RGMA: variants seen among roughly 807,000 people sequenced by gnomAD.
The protein encoded by RGMA is repulsive guidance molecule A.
A neutral mutation model predicts 23.2 loss-of-function variants in RGMA; 10 were observed. That is an observed-to-expected ratio of 0.43 (90% CI 0.27 to 0.73). The LOEUF (loss-of-function observed/expected upper bound fraction) is 0.73. Ranked by LOEUF, RGMA falls within the 30% of genes least tolerant of loss-of-function variation. The pLI is 0.20. For synonymous variants in RGMA, 308 were observed against 279.3 expected (o/e 1.10, Z -1.03); for missense variants, 547 against 630.5 (o/e 0.87, Z 1.42).
At chr15:93,054,405 C>A (rs1188316144) in intron 2 of RGMA, among the ~76,000 whole-genome samples, 1 of 152,102 alleles carries the variant, frequency 6.6e-6, no homozygotes, top group African/African-American at 2.4e-5. Flanking sequence ...CTGTAATAAT[C>A]TCCACGTGTC....
intron 3 of RGMA, among the ~76,000 whole-genome samples, chr15:93,049,404 G>A (rs959083857): frequency 1.3e-5 from 2 of 152,212 alleles, no homozygotes; most frequent in African/African-American, 4.8e-5. Flanking sequence ...CAGGACTTGA[G>A]TTCCTGTCCT....
Position 93,052,083 on chromosome 15 carries a change from GC to G in RGMA, c.554del (p.Gly185AlafsTer11). ...AATTATTGTCGATGAGCGGCCAGGC[GC>G]CCTGCACCTTGCAGGTCTGGAAGCG... is the stretch of plus-strand genomic sequence containing the variant. ...TDRFQTCKVQ[G>X]AWPLIDNNYL... On this transcript the variant is annotated frameshift_variant, in exon 3 of 4. Coordinates refer to ENST00000329082, the MANE Select transcript of RGMA (RefSeq NM_020211.3). LOFTEE classifies it high-confidence loss of function. The G allele has an allele frequency of 1.2e-6, 2 of 1,613,372 alleles. No individual in the cohort carries two copies. Among genetic ancestry groups the G allele is most frequent in the East Asian group, 2.2e-5 (1 of 44,868 alleles).
At chr15:93,073,822 C>T in intron 1 of RGMA, 2 of 1,521,672 alleles carry the variant, frequency 1.3e-6, no homozygotes, top group Non-Finnish European at 1.8e-6. Context: ...GAAGACTTGC[C>T]CCGGCTGCGC....
At chr15:93,075,769 C>T (rs1895464118) in intron 1 of RGMA, among the ~76,000 whole-genome samples, 1 of 152,124 alleles carries the variant, frequency 6.6e-6, no homozygotes, top group Admixed American at 6.6e-5. Context: ...TAGGAGGAGA[C>T]CCCAGTCTTG....
chr15:93,087,185 C>T (rs1384990641), intron 1 of RGMA, among the ~76,000 whole-genome samples: 2 of 152,180 alleles, frequency 1.3e-5, no homozygotes, highest in African/African-American at 4.8e-5. Context: ...CTACAGTAGA[C>T]CACTACACTG....
intron 2 of RGMA, 118 bp from the exon 3 acceptor site, chr15:93,052,625 T>TGCC: frequency 5.3e-6 from 6 of 1,131,540 alleles, no homozygotes; most frequent in Non-Finnish European, 7.3e-6. Context: ...GAGCCACCCA[T>TGCC]GCCACACACA....
intron 2 of RGMA, among the ~76,000 whole-genome samples, chr15:93,070,647 G>A (rs1283841277): frequency 6.6e-6 from 1 of 152,188 alleles, no homozygotes; most frequent in South Asian, 2.1e-4. Context: ...GGAGCCCCCA[G>A]TATATTTAGT....
At position 93,039,474 on chromosome 15, in the gene RGMA, T is replaced by C. The variant is rs992158898; in HGVS notation, c.*5524A>G. On this transcript the variant is annotated 3_prime_UTR_variant, in exon 4 of 4. Transcript: ENST00000329082. Reference sequence around the variant, plus strand: ...TTGTTACATAGGTATACACGTGCCATGGTGGTTTGCTGCACCTATGAACCC... The same window carrying C: ...TTGTTACATAGGTATACACGTGCCACGGTGGTTTGCTGCACCTATGAACCC... The C allele has an allele frequency of 1.3e-5, 2 of 152,214 alleles. No individual in the cohort carries two copies. Among genetic ancestry groups the C allele is most frequent in the Non-Finnish European group, 2.9e-5 (2 of 68,044 alleles). The allele number at this position is 152,214 out of a possible 1,614,324, so 9.4% of individuals were successfully genotyped here. A position where few individuals can be genotyped will look rare whatever the true frequency, so the allele number is the denominator to read the frequency against.
In RGMA at chr15:93,036,346, A is replaced by G. The variant is rs944857074; in HGVS notation, c.*8652T>C. 7 of 152,264 alleles carry G rather than the reference A, an allele frequency of 4.6e-5. No individual in the cohort carries two copies. The South Asian group carries it at 1.0e-3, about 22-fold the overall frequency. The allele number at this position is 152,264 out of a possible 1,614,324, so 9.4% of individuals were successfully genotyped here. A position where few individuals can be genotyped will look rare whatever the true frequency, so the allele number is the denominator to read the frequency against. The stretch of plus-strand genomic sequence containing the variant: ...AGAAGGACTCCTCTTGTTTTATGCA[A>G]CCAACACCCACCCTGGGGCACTTGC... On this transcript the variant is annotated 3_prime_UTR_variant, in exon 4 of 4. Coordinates refer to ENST00000329082, the MANE Select transcript of RGMA (RefSeq NM_020211.3).
chr15:93,066,467 G>C (rs552051347), intron 2 of RGMA: 4 of 567,120 alleles, frequency 7.1e-6, no homozygotes, highest in South Asian at 3.2e-5. Context: ...CGGGTGCGGG[G>C]GCCAGGCACC....
chr15:93,045,650 G>A lies in RGMA; in HGVS notation c.701C>T (p.Ala234Val), dbSNP rs376196039. Reference protein sequence around the residue: ...QECVDQKVYQAEMDELPAAFV... With the variant: ...QECVDQKVYQVEMDELPAAFV... ...GGCGGCCGGGAGCTCGTCCATCTCA[G>A]CCTGGTACACCTTCTGGTCCACACA... Residue 234 changes from alanine to valine, a missense_variant, in exon 4 of 4, where the codon GCT becomes GTT. Coordinates refer to ENST00000329082, the MANE Select transcript of RGMA (RefSeq NM_020211.3). This position sits in a 1 kb window ranked among gnomAD's most constrained non-coding sequence, Gnocchi z 6.9. 4 of 1,610,174 alleles carry A rather than the reference G, an allele frequency of 2.5e-6. No individual in the cohort carries two copies. The African/African-American group carries it at 4.0e-5, about 16-fold the overall frequency.
chr15:93,075,781 G>A (rs180947266), intron 1 of RGMA, among the ~76,000 whole-genome samples: 17 of 152,282 alleles, frequency 1.1e-4, no homozygotes, highest in African/African-American at 4.1e-4. Flanking sequence ...CCAGTCTTGC[G>A]ACATGAGCAA....
At chr15:93,054,478 G>A (rs561896682) in intron 2 of RGMA, among the ~76,000 whole-genome samples, 52 of 139,136 alleles carry the variant, frequency 3.7e-4, no homozygotes, top group African/African-American at 1.1e-3. Context: ...TGTTCTGGTG[G>A]TAGTGAATAA....
chr15:93,065,806 G>A (rs1567189897), intron 2 of RGMA: 2 of 915,192 alleles, frequency 2.2e-6, no homozygotes, highest in Non-Finnish European at 3.5e-6. Context: ...GTCTGGGCCA[G>A]AATTGAGGTA....
chr15:93,049,869 G>A (rs932883256), intron 3 of RGMA, among the ~76,000 whole-genome samples: 2 of 152,190 alleles, frequency 1.3e-5, no homozygotes, highest in African/African-American at 4.8e-5. Context: ...GGTAGAGTCT[G>A]GCAGGCCCAG....
chr15:93,039,189 T>G lies in RGMA; in HGVS notation c.*5809A>C, dbSNP rs1018711938. 2.0e-5 allele frequency: 3 copies of G among 152,178 alleles called. No homozygotes were observed. Among genetic ancestry groups the G allele is most frequent in the Non-Finnish European group, 2.9e-5 (2 of 68,030 alleles). 9.4% of individuals were successfully genotyped at this position (152,178 alleles called of 1,614,324 possible). A position where few individuals can be genotyped will look rare whatever the true frequency, so the allele number is the denominator to read the frequency against. ...AGCTTTTGGACTCTTGGACTTACAC[T>G]GGTGGTTTGCCAGGGGCTCTCGGGC... On this transcript the variant is annotated 3_prime_UTR_variant, in exon 4 of 4. Transcript: ENST00000329082.
intron 1 of RGMA, among the ~76,000 whole-genome samples, chr15:93,086,979 T>C (rs961047958): frequency 1.3e-5 from 2 of 152,100 alleles, no homozygotes; most frequent in African/African-American, 4.8e-5. Context: ...CATGATGACA[T>C]AAATACCTAC....
Position 93,042,699 on chromosome 15 carries a change from A to G in RGMA, c.*2299T>C, listed in dbSNP as rs1395026996. On this transcript the variant is annotated 3_prime_UTR_variant, in exon 4 of 4. Coordinates refer to ENST00000329082, the MANE Select transcript of RGMA (RefSeq NM_020211.3). ...GTCAGTTAATCTCAGAGTCTGTTTCATCGGCAAAATGGGCCTGAATTTCTT... is the reference window on the plus strand; with the variant it reads ...GTCAGTTAATCTCAGAGTCTGTTTCGTCGGCAAAATGGGCCTGAATTTCTT... 2 of 152,298 alleles carry G rather than the reference A, an allele frequency of 1.3e-5. No homozygotes were observed. Among genetic ancestry groups the G allele is most frequent in the South Asian group, 2.1e-4 (1 of 4,836 alleles). 9.4% of individuals were successfully genotyped at this position (152,298 alleles called of 1,614,324 possible).
In RGMA at chr15:93,044,898, T is replaced by C. The variant is rs912710354; in HGVS notation, c.*100A>G. ...CGGTCCCTGGCGTTCTGCGGGGCCA[T>C]GGTGGACACGCCAGGAGATCTGCAC... On this transcript the variant is annotated 3_prime_UTR_variant, in exon 4 of 4. Transcript: ENST00000329082. The C allele has an allele frequency of 2.5e-5, 25 of 1,001,726 alleles. No homozygotes were observed. The highest frequency in any genetic ancestry group is 2.4e-4 in the African/African-American group (15 of 61,234). The allele number at this position is 1,001,726 out of a possible 1,614,324, so 62.1% of individuals were successfully genotyped here.
Sources: gnomAD v4.1 joint callset for allele counts (sites outside exome capture counted in the v4.1 genomes callset) on GRCh38, gnomAD v4.1.1 for gene constraint, Gnocchi (gnomAD v3.1) non-coding constraint, MANE v1.5 for transcripts, NCBI Gene and HGNC (gene_info 2026-07-23, HGNC 2026-07-21) for gene names.